The following ADAMTSL2 variants were observed in gnomAD, a reference collection of about 807,000 sequenced individuals.
The protein encoded by ADAMTSL2 is ADAMTS like 2, also known as ADAMTS-like protein 2.
ADAMTSL2 carries 55 observed loss-of-function variants against 117.0 expected under a neutral mutation model. That is an observed-to-expected ratio of 0.47 (90% confidence interval 0.38 to 0.59). The LOEUF is 0.59. ADAMTSL2 is among the 20% of genes least tolerant of loss of function. The probability of loss-of-function intolerance (pLI) is 0.00; values close to 1 mark genes in which losing one functional copy is unlikely to be tolerated. For synonymous variants in ADAMTSL2, 572 were observed against 566.4 expected, an observed-to-expected ratio of 1.01 and a Z score of -0.14; for missense variants, 1,182 against 1,354.5, an observed-to-expected ratio of 0.87 and a Z score of 2.00.
chr9:133,532,813 G>C (rs1829969034), upstream of ADAMTSL2, among the ~76,000 whole-genome samples: 1 of 152,184 alleles, frequency 6.6e-6, no homozygotes, highest in Non-Finnish European at 1.5e-5. Flanking sequence ...GGCTGGCCAG[G>C]GGAGCTGGGG....
chr9:133,543,345 A>G (rs1400782899), intron 7 of ADAMTSL2, among the ~76,000 whole-genome samples: 3 of 152,220 alleles, frequency 2.0e-5, no homozygotes, highest in Admixed American at 6.5e-5. Context: ...GCTTGCTTCA[A>G]GCTTCTATCT....
intron 11 of ADAMTSL2, among the ~76,000 whole-genome samples, chr9:133,559,509 A>AT (rs1830680459): frequency 7.2e-6 from 1 of 138,594 alleles, no homozygotes; most frequent in Non-Finnish European, 1.7e-5. Flanking sequence ...ACACCCGGTG[A>AT]ATTTTTTTTT....
chr9:133,561,734 C>T (rs1348739195), intron 12 of ADAMTSL2, among the ~76,000 whole-genome samples: 1 of 152,132 alleles, frequency 6.6e-6, no homozygotes, highest in African/African-American at 2.4e-5. Flanking sequence ...ACCTCATCAG[C>T]AGGGGAGAAG....
chr9:133,540,914 A>G lies in ADAMTSL2; in HGVS notation c.595A>G (p.Thr199Ala). Reference sequence around the variant, plus strand: ...TGACGGGGTGCTTTTCTCCACCCACACACTGGACAAGTGTGGCATCTGCCA... The same window carrying G: ...TGACGGGGTGCTTTTCTCCACCCACGCACTGGACAAGTGTGGCATCTGCCA... ...GCDGVLFSTH[T>A]LDKCGICQGD... The change falls in exon 7 of 19, where the codon ACA becomes GCA. Residue 199 changes from threonine to alanine, a missense_variant. By Grantham distance (58) the Thr-to-Ala change is moderately conservative (BLOSUM62 0). This residue lies in a region of ADAMTSL2 where 372 missense variants were observed against 463.4 expected (regional missense o/e 0.80). Transcript: ENST00000651351. The G allele has an allele frequency of 6.2e-7, 1 of 1,613,324 alleles. No homozygotes were observed. The highest frequency in any genetic ancestry group is 8.5e-7 in the Non-Finnish European group (1 of 1,179,992).
chr9:133,541,724 C>T (rs1830229230), intron 7 of ADAMTSL2, among the ~76,000 whole-genome samples: 1 of 152,212 alleles, frequency 6.6e-6, no homozygotes, highest in Non-Finnish European at 1.5e-5. Flanking sequence ...TGACCCAGCC[C>T]AGAACCCCTC....
In ADAMTSL2 at chr9:133,543,753, C is replaced by T. The variant is rs191643381; in HGVS notation, c.683-717C>T. Among the ~76,000 whole-genome samples the T allele has an allele frequency of 3.3e-4, 50 of 152,376 alleles. 2 individuals are homozygous for T. The East Asian group carries it at 8.3e-3, about 25-fold the overall frequency. On this transcript the variant is annotated intron_variant, in intron 7 of 18. Coordinates refer to ENST00000651351, the MANE Select transcript of ADAMTSL2 (RefSeq NM_014694.4). The stretch of plus-strand genomic sequence containing the variant: ...GAGCCCCTTCTTTCCTGTCCCAGGG[C>T]GTATTAAAATCTCTCCTTCTCCCCA...
chr9:133,533,922 G>T, upstream of ADAMTSL2, among the ~76,000 whole-genome samples: 1 of 152,178 alleles, frequency 6.6e-6, no homozygotes, highest in Admixed American at 6.5e-5. Flanking sequence ...CTTGCTTTAG[G>T]AAAGCCTCAC....
At chr9:133,564,341 A>T (rs1366156854) in intron 12 of ADAMTSL2, among the ~76,000 whole-genome samples, 2 of 50,438 alleles carry the variant, frequency 4.0e-5, no homozygotes, top group Non-Finnish European at 3.7e-5. Context: ...AGAAAGAGAG[A>T]GAAAGAGAGA....
chr9:133,556,053 A>G, intron 11 of ADAMTSL2, 123 bp downstream of exon 11: 1 of 1,277,352 alleles, frequency 7.8e-7, no homozygotes, highest in South Asian at 1.5e-5. Flanking sequence ...CTAGAGGTAG[A>G]GGAGAGAGGG....
chr9:133,540,478 C>T (rs1245231548), intron 5 of ADAMTSL2, 120 bp from the exon 6 acceptor site: 2 of 1,381,094 alleles, frequency 1.4e-6, no homozygotes. Context: ...TTCTGTTCTC[C>T]AGGCCTGAGT....
rs71281253 is a variant in ADAMTSL2 at position 133,565,839 on chromosome 9, CCA to C, written c.1748-1062_1748-1061del. Among the ~76,000 whole-genome samples, 864 of 143,346 alleles carry C rather than the reference CCA, an allele frequency of 6.0e-3. 1 individual carries two copies. Among genetic ancestry groups the C allele is most frequent in the South Asian group, 0.017 (74 of 4,398 alleles). 94.0% of individuals were successfully genotyped at this position (143,346 alleles called of 152,430 possible). A position where few individuals can be genotyped will look rare whatever the true frequency, so the allele number is the denominator to read the frequency against. On this transcript the variant is annotated intron_variant, in intron 12 of 18. Transcript: ENST00000651351. Reference sequence around the variant, plus strand: ...GGAAGGCTGGGTCTGTCTCCCGTGGCCACACACACACACACACACACACACAC... The same window carrying C: ...GGAAGGCTGGGTCTGTCTCCCGTGGCCACACACACACACACACACACACAC...
chr9:133,561,594 G>A (rs892815931), intron 12 of ADAMTSL2, among the ~76,000 whole-genome samples: 2 of 152,138 alleles, frequency 1.3e-5, no homozygotes, highest in African/African-American at 4.8e-5. Flanking sequence ...GTTTTGTTAG[G>A]GCAAACATCC....
At chr9:133,539,664 G>GGCTGTCCCGGCTGTCCCGGCTGTCCCT in intron 4 of ADAMTSL2, 107 bp from the exon 5 acceptor site, 7 of 1,128,958 alleles carry the variant, frequency 6.2e-6, no homozygotes, top group Non-Finnish European at 9.0e-6. Context: ...CGGCTGTCCC[G>GGCTGTCCCGGCTGTCCCGGCTGTCCCT]GCTGTCCCGG....
chr9:133,558,145 T>C lies in ADAMTSL2; in HGVS notation c.1649+2215T>C, dbSNP rs573363919. 2.8e-4 allele frequency among the ~76,000 whole-genome samples: 43 copies of C among 152,318 alleles called. No individual in the cohort carries two copies. The highest frequency in any genetic ancestry group is 9.9e-4 in the African/African-American group (41 of 41,564). ...CAGGATATATTGAATTTCCAGGGCCTGTCAGGGGCCTCAAGGGTCGATCAA... is the reference window on the plus strand; with the variant it reads ...CAGGATATATTGAATTTCCAGGGCCCGTCAGGGGCCTCAAGGGTCGATCAA... On this transcript the variant is annotated intron_variant, in intron 11 of 18. Coordinates refer to ENST00000651351, the MANE Select transcript of ADAMTSL2 (RefSeq NM_014694.4). This position sits in a 1 kb window ranked among gnomAD's most constrained non-coding sequence, Gnocchi z 4.3.
chr9:133,563,838 A>AGG (rs1564508543), intron 12 of ADAMTSL2, among the ~76,000 whole-genome samples: 4 of 42,856 alleles, frequency 9.3e-5, no homozygotes, highest in African/African-American at 3.2e-4. Flanking sequence ...AGAGAGAGAG[A>AGG]GAGAGGGAGA....
At chr9:133,563,758 A>C (rs1388591661) in intron 12 of ADAMTSL2, among the ~76,000 whole-genome samples, 3 of 145,770 alleles carry the variant, frequency 2.1e-5, no homozygotes, top group Non-Finnish European at 4.5e-5. Context: ...GCTTTACAGG[A>C]GGTTGTTCAG....
At position 133,554,326 on chromosome 9, in the gene ADAMTSL2, AGGGGCT is replaced by A; in HGVS notation, c.940-26_940-21del. 1.3e-6 allele frequency: 2 copies of A among 1,522,924 alleles called. No individual in the cohort carries two copies. Among genetic ancestry groups the A allele is most frequent in the Non-Finnish European group, 1.8e-6 (2 of 1,134,932 alleles). 94.3% of individuals were successfully genotyped at this position (1,522,924 alleles called of 1,614,324 possible). On this transcript the variant is annotated intron_variant, in intron 9 of 18. Transcript: ENST00000651351. The surrounding 1 kb of genome is among the most constrained non-coding windows in gnomAD (Gnocchi z 5.2). ...GGGGAAGGGGCTGGACAGAGTAAGGAGGGGCTGGGGACCCACTTCTCTTTCCCTAGG... is the reference window on the plus strand; with the variant it reads ...GGGGAAGGGGCTGGACAGAGTAAGGAGGGGACCCACTTCTCTTTCCCTAGG...
intron 7 of ADAMTSL2, among the ~76,000 whole-genome samples, chr9:133,543,699 G>A (rs1323895547): frequency 2.0e-5 from 3 of 152,226 alleles, no homozygotes; most frequent in Non-Finnish European, 4.4e-5. Context: ...TGAGACAAGC[G>A]TCAAGCCTCA....
chr9:133,563,853 G>A (rs1248511447), intron 12 of ADAMTSL2, among the ~76,000 whole-genome samples: 4 of 91,140 alleles, frequency 4.4e-5, no homozygotes, highest in African/African-American at 8.9e-5. Context: ...GGGAGAGAGA[G>A]AGAGAGAGAG....
Sources: gnomAD v4.1 joint callset for allele counts (sites outside exome capture counted in the v4.1 genomes callset) on GRCh38, gnomAD v4.1.1 for gene constraint, gnomAD v4.1.1 regional missense constraint, Gnocchi (gnomAD v3.1) non-coding constraint, MANE v1.5 for transcripts, NCBI Gene and HGNC (gene_info 2026-07-23, HGNC 2026-07-21) for gene names.